The following TANC2 variants were observed in gnomAD, a reference collection of about 807,000 sequenced individuals.
TANC2 encodes protein TANC2.
In TANC2, 26 loss-of-function variants were observed where a neutral mutation model predicts 210.5. That is an observed-to-expected ratio of 0.12 (90% confidence interval 0.09 to 0.17). TANC2 has a LOEUF of 0.17. Among genes scored for constraint, TANC2 ranks in the 10% least tolerant of loss-of-function variants. The probability of loss-of-function intolerance (pLI) is 1.00; values close to 1 mark genes in which losing one functional copy is unlikely to be tolerated. For missense variants in TANC2, 2,129 were observed against 2,608.9 expected, an observed-to-expected ratio of 0.82 and a Z score of 4.01; for synonymous variants, 931 against 967.1, an observed-to-expected ratio of 0.96 and a Z score of 0.69.
intron 1 of TANC2, among the ~76,000 whole-genome samples, chr17:63,001,975 G>A (rs890357257): frequency 6.6e-6 from 1 of 152,222 alleles, no homozygotes; most frequent in Non-Finnish European, 1.5e-5. Flanking sequence ...TTACAGGGCT[G>A]TAGCAATGAA....
intron 2 of TANC2, among the ~76,000 whole-genome samples, chr17:63,040,548 G>A (rs1048136517): frequency 2.1e-4 from 32 of 152,004 alleles, no homozygotes; most frequent in African/African-American, 7.0e-4. Flanking sequence ...ATGTGTTGGG[G>A]GCACTATTTT....
At chr17:63,140,748 G>GT in intron 4 of TANC2, among the ~76,000 whole-genome samples, 1 of 152,178 alleles carries the variant, frequency 6.6e-6, no homozygotes, top group Non-Finnish European at 1.5e-5. Context: ...TTGAGAAACA[G>GT]TTTTTTGTTT....
intron 9 of TANC2, among the ~76,000 whole-genome samples, chr17:63,285,801 C>G (rs1212870848): frequency 6.6e-6 from 1 of 152,144 alleles, no homozygotes; most frequent in Non-Finnish European, 1.5e-5. Context: ...ATACAGACCC[C>G]CACCTTGCCT....
intron 1 of TANC2, among the ~76,000 whole-genome samples, chr17:62,987,357 A>C (rs2143517632): frequency 6.6e-6 from 1 of 152,274 alleles, no homozygotes; most frequent in East Asian, 1.9e-4. Context: ...CGCACTTCAG[A>C]GGTGGCCCTG....
chr17:63,387,549 A>G (rs2047824650), intron 15 of TANC2, among the ~76,000 whole-genome samples: 1 of 152,236 alleles, frequency 6.6e-6, no homozygotes, highest in African/African-American at 2.4e-5. Flanking sequence ...TATTTCAGGG[A>G]CAAAGAAAGC....
intron 1 of TANC2, among the ~76,000 whole-genome samples, chr17:62,974,514 G>A (rs1030498058): frequency 6.6e-6 from 1 of 151,970 alleles, no homozygotes; most frequent in Admixed American, 6.6e-5. Context: ...AAAAACTGGG[G>A]TATTTTTATG....
chr17:63,325,166 C>T (rs1196319473), intron 11 of TANC2, among the ~76,000 whole-genome samples: 1 of 151,992 alleles, frequency 6.6e-6, no homozygotes, highest in Non-Finnish European at 1.5e-5. Context: ...GTAGCACTCC[C>T]TCAACCTCTA....
chr17:63,305,962 T>C (rs2044888207), intron 9 of TANC2, among the ~76,000 whole-genome samples: 1 of 152,230 alleles, frequency 6.6e-6, no homozygotes, highest in African/African-American at 2.4e-5. Context: ...TGAGCCATGT[T>C]ACAGAAAGCC....
At chr17:63,233,403 G>A (rs1042204677) in intron 7 of TANC2, among the ~76,000 whole-genome samples, 3 of 152,200 alleles carry the variant, frequency 2.0e-5, no homozygotes, top group Admixed American at 1.3e-4. Flanking sequence ...TGGAAAAACC[G>A]TGGATCGTGG....
intron 9 of TANC2, among the ~76,000 whole-genome samples, chr17:63,286,548 A>T (rs1395267408): frequency 6.6e-6 from 1 of 152,110 alleles, no homozygotes; most frequent in African/African-American, 2.4e-5. Context: ...TTTTCTCTTT[A>T]TCACTGTTTT....
chr17:63,146,475 A>C (rs1407204041), intron 4 of TANC2, among the ~76,000 whole-genome samples: 1 of 152,170 alleles, frequency 6.6e-6, no homozygotes, highest in African/African-American at 2.4e-5. Context: ...ACTTTACTAA[A>C]TATACTTTAT....
At chr17:63,349,664 T>A (rs2046534170) in intron 12 of TANC2, among the ~76,000 whole-genome samples, 1 of 152,210 alleles carries the variant, frequency 6.6e-6, no homozygotes, top group African/African-American at 2.4e-5. Flanking sequence ...CAGGGATAGA[T>A]AGCTCCAGCA....
intron 14 of TANC2, among the ~76,000 whole-genome samples, chr17:63,358,376 A>AGAGAGTGTGTGTGT (rs1470682571): frequency 3.1e-4 from 25 of 81,048 alleles, no homozygotes; most frequent in African/African-American, 9.2e-4. Flanking sequence ...AGAGAGAGAG[A>AGAGAGTGTGTGTGT]GTATGTGTGT....
At chr17:63,197,967 G>A (rs964889675) in intron 6 of TANC2, among the ~76,000 whole-genome samples, 2 of 152,152 alleles carry the variant, frequency 1.3e-5, no homozygotes, top group Admixed American at 6.5e-5. Context: ...TTTAAGCTTT[G>A]CGTTTACAGT....
Position 63,046,325 on chromosome 17 carries a change from C to CTTTTTTTTTTTTT in TANC2, c.68-27606_68-27594dup, listed in dbSNP as rs57550590. 2.4e-3 allele frequency among the ~76,000 whole-genome samples: 107 copies of CTTTTTTTTTTTTT among 44,142 alleles called. 25 individuals carry two copies. The highest frequency in any genetic ancestry group is 0.012 in the African/African-American group (100 of 8,536). 29.0% of individuals were successfully genotyped at this position (44,142 alleles called of 152,430 possible). A position where few individuals can be genotyped will look rare whatever the true frequency, so the allele number is the denominator to read the frequency against. On this transcript the variant is annotated intron_variant, in intron 2 of 27. Transcript: ENST00000689528. ...CAGGTGCGTGCCACCACACCCAGCT[C>CTTTTTTTTTTTTT]TTTTTTTTTTTTTTTTTTTTTTTTG...
At chr17:63,032,079 A>T (rs563328352) in intron 2 of TANC2, among the ~76,000 whole-genome samples, 18 of 152,278 alleles carry the variant, frequency 1.2e-4, no homozygotes, top group Non-Finnish European at 2.4e-4. Context: ...CCCATTTCTT[A>T]TATCTATTTC....
intron 4 of TANC2, among the ~76,000 whole-genome samples, chr17:63,124,187 C>T (rs1201841302): frequency 6.6e-6 from 1 of 151,820 alleles, no homozygotes; most frequent in Admixed American, 6.6e-5. Context: ...AGAATTTAGG[C>T]ATAAGAGATC....
At chr17:63,256,618 A>G (rs532357791) in intron 8 of TANC2, among the ~76,000 whole-genome samples, 6 of 152,360 alleles carry the variant, frequency 3.9e-5, no homozygotes, top group Admixed American at 3.3e-4. Flanking sequence ...CATTTGGTCT[A>G]TAATGCAGAT....
At chr17:63,309,093 TGTGTAATTTTTGGTAGATAC>T (rs2045028457) in intron 9 of TANC2, among the ~76,000 whole-genome samples, 1 of 152,202 alleles carries the variant, frequency 6.6e-6, no homozygotes, top group South Asian at 2.1e-4. Flanking sequence ...TTTTAATGTC[TGTGTAATTTTTGGTAGATAC>T]ACCATAGTTT....
Sources: gnomAD v4.1 joint callset for allele counts (sites outside exome capture counted in the v4.1 genomes callset) on GRCh38, gnomAD v4.1.1 for gene constraint, MANE v1.5 for transcripts, NCBI Gene and HGNC (gene_info 2026-07-23, HGNC 2026-07-21) for gene names.